CEPT1: variants seen among roughly 807,000 people sequenced by gnomAD.
The protein encoded by CEPT1 is choline/ethanolamine phosphotransferase 1, also known as choline/ethanolaminephosphotransferase 1.
A neutral mutation model predicts 42.6 loss-of-function variants in CEPT1; 7 were observed. The observed-to-expected ratio is 0.16, with a 90% CI of 0.09 to 0.31. CEPT1 has a LOEUF of 0.31. Among genes scored for constraint, CEPT1 ranks in the 10% least tolerant of loss-of-function variants. The pLI, the probability that CEPT1 is intolerant of heterozygous loss-of-function variation, is 1.00. For missense variants in CEPT1, 306 were observed against 502.1 expected (o/e 0.61, Z 3.73); for synonymous variants, 171 against 171.9 (o/e 0.99, Z 0.04).
intron 2 of CEPT1, 45 bp downstream of exon 2, chr1:111,148,098 A>C (rs1327609743): frequency 6.8e-7 from 1 of 1,461,374 alleles, no homozygotes; most frequent in East Asian, 2.3e-5. Flanking sequence ...TATACCAAAA[A>C]CGTTGTAATT....
intron 3 of CEPT1, chr1:111,160,891 T>G (rs1282868075): frequency 1.3e-5 from 6 of 467,008 alleles, no homozygotes; most frequent in Non-Finnish European, 1.9e-5. Context: ...AGGAAAATAC[T>G]CGAAGAAATG....
chr1:111,166,904 C>CT (rs1656171804), intron 4 of CEPT1, among the ~76,000 whole-genome samples: 1 of 152,084 alleles, frequency 6.6e-6, no homozygotes, highest in Non-Finnish European at 1.5e-5. Flanking sequence ...ATTTTTTTAA[C>CT]TTCTATCTTG....
rs575818581 is a variant in CEPT1 at position 111,184,378 on chromosome 1, G to C, written c.*68G>C. 10 of 1,251,850 alleles carry C rather than the reference G, an allele frequency of 8.0e-6. No homozygotes were observed. The highest frequency in any genetic ancestry group is 1.1e-5 in the Non-Finnish European group (10 of 885,736). 77.5% of individuals were successfully genotyped at this position (1,251,850 alleles called of 1,614,324 possible). A position where few individuals can be genotyped will look rare whatever the true frequency, so the allele number is the denominator to read the frequency against. On this transcript the variant is annotated 3_prime_UTR_variant, in exon 9 of 9. Transcript: ENST00000357172. ...AGAAAGTAACATATTAAGGAGAATG[G>C]GGGTGGATAAGAACAAATATAATTT...
intron 5 of CEPT1, chr1:111,181,275 CATTTA>C (rs1215556016): frequency 2.0e-5 from 3 of 151,954 alleles, no homozygotes; most frequent in Admixed American, 6.6e-5. Flanking sequence ...TAGACTACGT[CATTTA>C]TTTTACTGTT....
chr1:111,151,693 T>C (rs1655286449), intron 2 of CEPT1, among the ~76,000 whole-genome samples: 1 of 152,184 alleles, frequency 6.6e-6, no homozygotes, highest in Non-Finnish European at 1.5e-5. Context: ...ACGTTTCCCT[T>C]TCAGATCTTA....
intron 4 of CEPT1, among the ~76,000 whole-genome samples, chr1:111,163,124 A>G (rs1196673643): frequency 1.3e-5 from 2 of 152,150 alleles, no homozygotes; most frequent in Non-Finnish European, 2.9e-5. Context: ...TGCCACTGAC[A>G]CTAGAGTGCT....
At chr1:111,147,588 T>C (rs762845701) in intron 1 of CEPT1, 54 bp from the exon 2 acceptor site, 119 of 627,702 alleles carry the variant, frequency 1.9e-4, no homozygotes, top group Non-Finnish European at 2.9e-4. Context: ...GCATAAGATG[T>C]AAATAGTGGC....
intron 4 of CEPT1, among the ~76,000 whole-genome samples, 168 bp downstream of exon 4, chr1:111,161,464 CCT>C (rs565968002): frequency 1.5e-3 from 230 of 151,768 alleles, no homozygotes; most frequent in Non-Finnish European, 2.8e-3. Context: ...TGCATATGTC[CCT>C]CTATTATACT....
In CEPT1 at chr1:111,176,729, AT is replaced by A. The variant is rs536384417; in HGVS notation, c.714+1768del. Among the ~76,000 whole-genome samples the A allele has an allele frequency of 8.5e-5, 13 of 152,344 alleles. No individual in the cohort carries two copies. In the East Asian group the frequency reaches 2.5e-3, roughly 29 times the overall value. ...TTATTTTCATATACACCTTATACAC[AT>A]TGCCCAAAGGTAATTTTATACAATA... On this transcript the variant is annotated intron_variant, in intron 5 of 8. Transcript: ENST00000357172.
intron 4 of CEPT1, among the ~76,000 whole-genome samples, chr1:111,161,592 A>G (rs554574289): frequency 6.6e-6 from 1 of 152,172 alleles, no homozygotes; most frequent in East Asian, 1.9e-4. Context: ...CCCCACCATT[A>G]TTTACCTTAA....
At chr1:111,180,073 A>G (rs1205241355) in intron 5 of CEPT1, 1 of 152,180 alleles carries the variant, frequency 6.6e-6, no homozygotes, top group African/African-American at 2.4e-5. Flanking sequence ...AACAATTTTT[A>G]TGATCCCAAA....
intron 5 of CEPT1, 67 bp downstream of exon 5, chr1:111,175,030 G>T: frequency 3.1e-6 from 3 of 952,418 alleles, no homozygotes; most frequent in Non-Finnish European, 3.5e-6. Context: ...TTCTAATATG[G>T]GATAATCCAG....
At chr1:111,155,860 C>T (rs1036690514) in intron 2 of CEPT1, among the ~76,000 whole-genome samples, 1 of 151,972 alleles carries the variant, frequency 6.6e-6, no homozygotes, top group African/African-American at 2.4e-5. Context: ...ACATATATAA[C>T]CCACACATAT....
At chr1:111,176,503 C>A (rs577424781) in intron 5 of CEPT1, among the ~76,000 whole-genome samples, 9 of 151,966 alleles carry the variant, frequency 5.9e-5, no homozygotes, top group Non-Finnish European at 1.3e-4. Context: ...AAAGTTTCAG[C>A]ATACCAATAT....
chr1:111,176,306 T>C (rs1261853210), intron 5 of CEPT1, among the ~76,000 whole-genome samples: 4 of 152,208 alleles, frequency 2.6e-5, no homozygotes, highest in Admixed American at 2.6e-4. Flanking sequence ...TAGTTCTTTT[T>C]TTTAATAACA....
intron 1 of CEPT1, among the ~76,000 whole-genome samples, chr1:111,146,447 T>TAGA (rs1654971944): frequency 6.6e-6 from 1 of 152,184 alleles, no homozygotes; most frequent in East Asian, 1.9e-4. Flanking sequence ...AGCTGTTGAC[T>TAGA]CTTTTTTTCT....
At chr1:111,143,947 C>T (rs574313435) in intron 1 of CEPT1, among the ~76,000 whole-genome samples, 1 of 152,186 alleles carries the variant, frequency 6.6e-6, no homozygotes. Flanking sequence ...CTAGGCTGGT[C>T]TTAAACTCCT....
intron 5 of CEPT1, among the ~76,000 whole-genome samples, chr1:111,177,820 G>C (rs1476241505): frequency 6.7e-6 from 1 of 149,288 alleles, no homozygotes; most frequent in African/African-American, 2.5e-5. Context: ...GATTCATGAG[G>C]TGAGGTTGCA....
At chr1:111,140,208 G>C (rs1654332763), upstream of CEPT1, 1 of 152,260 alleles carries the variant, frequency 6.6e-6, no homozygotes, top group Non-Finnish European at 1.5e-5. Flanking sequence ...TCCCCTTTAC[G>C]GCAATCGCGA....
Sources: gnomAD v4.1 joint callset for allele counts (sites outside exome capture counted in the v4.1 genomes callset) on GRCh38, gnomAD v4.1.1 for gene constraint, MANE v1.5 for transcripts, NCBI Gene and HGNC (gene_info 2026-07-23, HGNC 2026-07-21) for gene names.